Variants in MACROD2 observed in about 807,000 individuals in gnomAD.
MACROD2 encodes the protein ADP-ribose glycohydrolase MACROD2.
In MACROD2, 36 loss-of-function variants were observed where a neutral mutation model predicts 70.4. The ratio of observed to expected loss-of-function variants is 0.51; its 90% CI spans 0.39 to 0.68. The LOEUF (loss-of-function observed/expected upper bound fraction) is 0.68. MACROD2 is among the 30% of genes least tolerant of loss of function. MACROD2 has a pLI of 0.00. For missense variants in MACROD2, 496 were observed against 538.4 expected (o/e 0.92, Z 0.78); for synonymous variants, 172 against 178.8 (o/e 0.96, Z 0.30).
In MACROD2 at chr20:14,366,919, G is replaced by C. The variant is rs935352631; in HGVS notation, c.272-126560G>C. ...TTTAAATAATTTCTGATTAGGAAAG[G>C]CTTGCTTCTGCCATTTTGCTATTTG... is the stretch of plus-strand genomic sequence containing the variant. On this transcript the variant is annotated intron_variant, in intron 3 of 17. Transcript: ENST00000684519. Among the ~76,000 whole-genome samples, 7 of 152,162 alleles carry C rather than the reference G, an allele frequency of 4.6e-5. No individual in the cohort carries two copies. The South Asian group carries it at 1.0e-3, about 23-fold the overall frequency.
intron 3 of MACROD2, among the ~76,000 whole-genome samples, chr20:14,176,376 C>T (rs1180130352): frequency 1.3e-5 from 2 of 152,148 alleles, no homozygotes; most frequent in Non-Finnish European, 2.9e-5. Context: ...TGTGTTTGTG[C>T]AGTTAAGGTG....
At chr20:14,360,222 T>C (rs2083208758) in intron 3 of MACROD2, among the ~76,000 whole-genome samples, 1 of 152,100 alleles carries the variant, frequency 6.6e-6, no homozygotes, top group South Asian at 2.1e-4. Flanking sequence ...TATAGCTAAA[T>C]AAAAATCTAT....
intron 3 of MACROD2, among the ~76,000 whole-genome samples, chr20:14,461,844 T>C (rs1443644446): frequency 6.6e-6 from 1 of 152,044 alleles, no homozygotes; most frequent in African/African-American, 2.4e-5. Context: ...TGCATAGTAT[T>C]CCATGGTGTA....
intron 4 of MACROD2, among the ~76,000 whole-genome samples, chr20:14,632,474 T>C (rs1034989325): frequency 3.9e-5 from 6 of 152,154 alleles, no homozygotes; most frequent in Non-Finnish European, 7.3e-5. Flanking sequence ...TTAGGAAGTA[T>C]GTTATTCTGT....
chr20:14,067,344 A>T (rs960157773), intron 2 of MACROD2, among the ~76,000 whole-genome samples: 6 of 151,616 alleles, frequency 4.0e-5, no homozygotes, highest in Non-Finnish European at 7.4e-5. Context: ...GATGGTCTTG[A>T]TCTCTTGACC....
rs569152861 is a variant in MACROD2, at chr20:15,894,536, A to G, written c.775+8725A>G. 2.6e-5 allele frequency among the ~76,000 whole-genome samples: 4 copies of G among 152,296 alleles called. No homozygotes were observed. The South Asian group carries it at 6.2e-4, about 24-fold the overall frequency. On this transcript the variant is annotated intron_variant, in intron 10 of 17. Transcript: ENST00000684519. Reference sequence around the variant, plus strand: ...AGGCAGGTGGGTCTGAGAGAGACACAAGATGGAACTGTTTCCTTCTCCCAG... The same window carrying G: ...AGGCAGGTGGGTCTGAGAGAGACACGAGATGGAACTGTTTCCTTCTCCCAG...
At chr20:14,887,407 T>G (rs1305176626) in intron 5 of MACROD2, among the ~76,000 whole-genome samples, 1 of 151,832 alleles carries the variant, frequency 6.6e-6, no homozygotes, top group Non-Finnish European at 1.5e-5. Context: ...TTGTTTTTTT[T>G]TTTTTTTGAC....
rs905742041 is a variant in MACROD2, at chr20:14,684,992, A to G, written c.418+33A>G. On this transcript the variant is annotated intron_variant, in intron 5 of 17. Coordinates refer to ENST00000684519, the MANE Select transcript of MACROD2 (RefSeq NM_001351661.2). ...CAACTGAATACTGTTTCAAAACCAG[A>G]TGAGACATCTTAACTTGTTTTACTC... 2.6e-6 allele frequency: 4 copies of G among 1,521,590 alleles called. No individual in the cohort carries two copies. In the South Asian group the frequency reaches 3.4e-5, roughly 13 times the overall value. 94.3% of individuals were successfully genotyped at this position (1,521,590 alleles called of 1,614,324 possible).
chr20:14,082,183 T>TC (rs1292070113), intron 2 of MACROD2, among the ~76,000 whole-genome samples: 13 of 128,914 alleles, frequency 1.0e-4, no homozygotes, highest in Admixed American at 3.1e-4. Context: ...TTTTCTTTTT[T>TC]TTTTTTTTTT....
At chr20:15,214,267 G>T (rs2076789719) in intron 5 of MACROD2, among the ~76,000 whole-genome samples, 1 of 152,136 alleles carries the variant, frequency 6.6e-6, no homozygotes, top group African/African-American at 2.4e-5. Flanking sequence ...GCTAGCAACT[G>T]CTGAGGTTTG....
At chr20:14,532,470 G>C (rs948218842) in intron 4 of MACROD2, among the ~76,000 whole-genome samples, 5 of 151,190 alleles carry the variant, frequency 3.3e-5, no homozygotes, top group Non-Finnish European at 7.4e-5. Flanking sequence ...TGATCCGCAC[G>C]TCTCAGCCTC....
chr20:15,229,883 TA>T, intron 5 of MACROD2, 56 bp from the exon 6 acceptor site: 8 of 1,531,800 alleles, frequency 5.2e-6, no homozygotes, highest in South Asian at 2.6e-5. Context: ...ATTAATTATG[TA>T]AAAAAAGTGA....
chr20:15,052,895 A>G (rs2075454074), intron 5 of MACROD2, among the ~76,000 whole-genome samples: 3 of 152,254 alleles, frequency 2.0e-5, no homozygotes, highest in South Asian at 2.1e-4. Context: ...TAAAACTGCT[A>G]TTCCAGTGAA....
intron 3 of MACROD2, among the ~76,000 whole-genome samples, chr20:14,344,163 T>G (rs1475000056): frequency 6.6e-6 from 1 of 152,214 alleles, no homozygotes; most frequent in East Asian, 1.9e-4. Flanking sequence ...TGTTTTCTAT[T>G]TTATCAGTTT....
intron 3 of MACROD2, among the ~76,000 whole-genome samples, chr20:14,157,664 T>C (rs1415535516): frequency 1.3e-5 from 2 of 152,144 alleles, no homozygotes; most frequent in African/African-American, 2.4e-5. Context: ...CCACATATGA[T>C]TGAGAATATG....
At chr20:15,324,377 C>G (rs2146177151) in intron 6 of MACROD2, among the ~76,000 whole-genome samples, 1 of 152,296 alleles carries the variant, frequency 6.6e-6, no homozygotes, top group South Asian at 2.1e-4. Flanking sequence ...TATCTCCTCT[C>G]TGAAACCCGT....
At chr20:14,119,697 C>A (rs1601245253) in intron 3 of MACROD2, among the ~76,000 whole-genome samples, 1 of 152,148 alleles carries the variant, frequency 6.6e-6, no homozygotes, top group Non-Finnish European at 1.5e-5. Flanking sequence ...TGTCAAATAG[C>A]CTGTGCTAAG....
chr20:14,457,419 CCAAA>C (rs1360276575), intron 3 of MACROD2, among the ~76,000 whole-genome samples: 3 of 152,166 alleles, frequency 2.0e-5, no homozygotes, highest in Non-Finnish European at 4.4e-5. Flanking sequence ...AAGACATTCA[CCAAA>C]CACTTAGAAA....
chr20:14,843,092 TC>T (rs1372029518), intron 5 of MACROD2, among the ~76,000 whole-genome samples: 1 of 151,004 alleles, frequency 6.6e-6, no homozygotes, highest in Non-Finnish European at 1.5e-5. Flanking sequence ...CCTTCTACCA[TC>T]CCCAACTCTT....
Sources: gnomAD v4.1 joint callset for allele counts (sites outside exome capture counted in the v4.1 genomes callset) on GRCh38, gnomAD v4.1.1 for gene constraint, MANE v1.5 for transcripts, NCBI Gene and HGNC (gene_info 2026-07-23, HGNC 2026-07-21) for gene names.